The following KCNU1 variants were observed in gnomAD, a reference collection of about 807,000 sequenced individuals.
The protein encoded by KCNU1 is potassium calcium-activated channel subfamily U member 1, also known as potassium channel subfamily U member 1.
KCNU1 carries 93 observed loss-of-function variants against 126.8 expected under a neutral mutation model. The ratio of observed to expected loss-of-function variants is 0.73; its 90% CI spans 0.62 to 0.87. KCNU1 has a LOEUF of 0.87. KCNU1 is among the 40% of genes least tolerant of loss of function. The pLI, the probability that KCNU1 is intolerant of heterozygous loss-of-function variation, is 0.00. For missense variants in KCNU1, 1,330 were observed against 1,367.1 expected (o/e 0.97, Z 0.43); for synonymous variants, 523 against 494.2 (o/e 1.06, Z -0.77).
At chr8:36,801,484 T>G (rs1803304223) in intron 2 of KCNU1, among the ~76,000 whole-genome samples, 1 of 151,692 alleles carries the variant, frequency 6.6e-6, no homozygotes, top group African/African-American at 2.4e-5. Flanking sequence ...TTCCATGGGT[T>G]GGGGGGGTTG....
At chr8:36,876,139 G>A (rs185221911) in intron 19 of KCNU1, among the ~76,000 whole-genome samples, 25 of 151,932 alleles carry the variant, frequency 1.6e-4, no homozygotes, top group Middle Eastern at 3.4e-3. Flanking sequence ...CACAGCCACC[G>A]AGGTCCCACT....
intron 18 of KCNU1, among the ~76,000 whole-genome samples, chr8:36,859,804 G>GT (rs1002765354): frequency 6.6e-6 from 1 of 152,136 alleles, no homozygotes; most frequent in African/African-American, 2.4e-5. Flanking sequence ...GTGCTTCAGA[G>GT]TTTTTTGAAA....
At chr8:36,821,512 CTAGGCCTAATT>C (rs1395626699) in intron 10 of KCNU1, among the ~76,000 whole-genome samples, 1 of 152,098 alleles carries the variant, frequency 6.6e-6, no homozygotes, top group Non-Finnish European at 1.5e-5. Context: ...CCATCCAGGT[CTAGGCCTAATT>C]TAGATGACAA....
intron 2 of KCNU1, among the ~76,000 whole-genome samples, chr8:36,794,339 G>A (rs1357026227): frequency 6.6e-6 from 1 of 151,610 alleles, no homozygotes; most frequent in Non-Finnish European, 1.5e-5. Flanking sequence ...TTTTGGAGAT[G>A]TATATGTTTC....
rs1808746130 is a variant in KCNU1 at position 36,932,949 on chromosome 8, T to C, written c.2961T>C (p.Cys987=). ...NPRNTFGQLF[C]GSLDLFGILC... ...GAAACACCTTTGGACAACTGTTCTG[T>C]GGCTCATTAGATCTTTTTGGAATCC... The change falls in exon 26 of 27, where the codon TGT becomes TGC. Residue 987 remains cysteine, a synonymous_variant. Transcript: ENST00000399881. 6.3e-7 allele frequency: 1 copy of C among 1,575,458 alleles called. No homozygotes were observed. Among genetic ancestry groups the C allele is most frequent in the Non-Finnish European group, 8.6e-7 (1 of 1,158,536 alleles).
chr8:36,792,844 T>A (rs1193600338), intron 2 of KCNU1, among the ~76,000 whole-genome samples: 2 of 152,150 alleles, frequency 1.3e-5, no homozygotes, highest in East Asian at 3.8e-4. Context: ...TATATATAGG[T>A]ATTGTTATTA....
intron 19 of KCNU1, among the ~76,000 whole-genome samples, chr8:36,892,206 T>A (rs1806989439): frequency 6.6e-6 from 1 of 152,136 alleles, no homozygotes; most frequent in South Asian, 2.1e-4. Context: ...ATATTCAAGC[T>A]CATTTATTCC....
intron 19 of KCNU1, among the ~76,000 whole-genome samples, chr8:36,877,772 G>A (rs1806328212): frequency 6.6e-6 from 1 of 152,090 alleles, no homozygotes; most frequent in African/African-American, 2.4e-5. Flanking sequence ...GTGAAATACT[G>A]CTTCCCTGGA....
chr8:36,827,297 C>A (rs2130517504), intron 10 of KCNU1, among the ~76,000 whole-genome samples: 1 of 152,256 alleles, frequency 6.6e-6, no homozygotes, highest in South Asian at 2.1e-4. Flanking sequence ...TCAATTTTAC[C>A]CTTCTTCTTT....
At chr8:36,899,301 C>G (rs1006561336) in intron 19 of KCNU1, among the ~76,000 whole-genome samples, 2 of 151,870 alleles carry the variant, frequency 1.3e-5, no homozygotes, top group South Asian at 2.1e-4. Context: ...AAAAAAAATG[C>G]CTTCGTGGAG....
At chr8:36,901,699 T>G (rs1807425414) in intron 19 of KCNU1, among the ~76,000 whole-genome samples, 1 of 152,140 alleles carries the variant, frequency 6.6e-6, no homozygotes, top group Admixed American at 6.5e-5. Flanking sequence ...GCTTCCTGGA[T>G]GCTCCCAGAC....
In KCNU1 at chr8:36,845,848, G is replaced by T; in HGVS notation, c.1840G>T (p.Glu614Ter). 6.2e-7 allele frequency: 1 copy of T among 1,609,832 alleles called. No homozygotes were observed. Among genetic ancestry groups the T allele is most frequent in the Non-Finnish European group, 8.5e-7 (1 of 1,177,684 alleles). The change falls in exon 18 of 27, where the codon GAG becomes TAG. Residue 614 changes from glutamate (E) to a stop codon, truncating the protein, a stop_gained. Coordinates refer to ENST00000399881, the MANE Select transcript of KCNU1 (RefSeq NM_001031836.3). LOFTEE classifies it high-confidence loss of function. ...SVCHDDVFIP[E>*]LITNCGCKSR... ...CTGTCATGATGATGTGTTCATTCCT[G>T]AGCTAATTACAAACTGTGGCTGCAA...
At chr8:36,901,589 A>G (rs1807421212) in intron 19 of KCNU1, among the ~76,000 whole-genome samples, 1 of 152,186 alleles carries the variant, frequency 6.6e-6, no homozygotes. Context: ...GTGCTGCTCT[A>G]CACAGCCACA....
chr8:36,931,372 G>A (rs1026160436), intron 25 of KCNU1, among the ~76,000 whole-genome samples: 1 of 152,082 alleles, frequency 6.6e-6, no homozygotes, highest in Non-Finnish European at 1.5e-5. Flanking sequence ...AGTAGATAAA[G>A]AAGTTGTTAT....
intron 18 of KCNU1, among the ~76,000 whole-genome samples, chr8:36,854,256 G>GT: frequency 6.6e-6 from 1 of 152,136 alleles, no homozygotes; most frequent in African/African-American, 2.4e-5. Context: ...GTAGATTAAT[G>GT]TTTTTCAACC....
chr8:36,909,414 C>T lies in KCNU1; in HGVS notation c.2210C>T (p.Pro737Leu), dbSNP rs1807773776. The T allele has an allele frequency of 6.2e-7, 1 of 1,612,676 alleles. No individual in the cohort carries two copies. The highest frequency in any genetic ancestry group is 1.3e-5 in the African/African-American group (1 of 74,882). ...APMGLRNFVM[P>L]LRASNYTRKE... The stretch of plus-strand genomic sequence containing the variant: ...ATGGGGCTTCGGAACTTTGTAATGC[C>T]CTTGAGAGCCAGCAACTATACCAGG... The change falls in exon 21 of 27, where the codon CCC becomes CTC. Residue 737 changes from proline to leucine, a missense_variant. Physicochemically the swap from Pro to Leu is moderately conservative, Grantham distance 98. This residue lies in a region of KCNU1 where 1,054 missense variants were observed against 1,053.9 expected (regional missense o/e 1.00). Coordinates refer to ENST00000399881, the MANE Select transcript of KCNU1 (RefSeq NM_001031836.3).
At chr8:36,925,251 A>G (rs1238969808) in intron 24 of KCNU1, among the ~76,000 whole-genome samples, 1 of 152,190 alleles carries the variant, frequency 6.6e-6, no homozygotes, top group Non-Finnish European at 1.5e-5. Flanking sequence ...ACAGTGGATC[A>G]TCAGCTTCGC....
chr8:36,815,895 C>T (rs966959050), intron 9 of KCNU1, among the ~76,000 whole-genome samples: 4 of 152,150 alleles, frequency 2.6e-5, no homozygotes, highest in African/African-American at 7.2e-5. Flanking sequence ...CATAGATGCT[C>T]ATAAGAAAAC....
At chr8:36,831,880 T>G (rs1804561866) in intron 10 of KCNU1, among the ~76,000 whole-genome samples, 1 of 152,062 alleles carries the variant, frequency 6.6e-6, no homozygotes, top group Admixed American at 6.6e-5. Flanking sequence ...TTCTAGGGTT[T>G]TTATGGTTTT....
Sources: gnomAD v4.1 joint callset for allele counts (sites outside exome capture counted in the v4.1 genomes callset) on GRCh38, gnomAD v4.1.1 for gene constraint, gnomAD v4.1.1 regional missense constraint, MANE v1.5 for transcripts, NCBI Gene and HGNC (gene_info 2026-07-23, HGNC 2026-07-21) for gene names.